HUWE1: variants seen among roughly 807,000 people sequenced by gnomAD.
The protein encoded by HUWE1 is E3 ubiquitin-protein ligase HUWE1.
HUWE1 carries 18 observed loss-of-function variants against 299.4 expected under a neutral mutation model. The ratio of observed to expected loss-of-function variants is 0.06; its 90% CI spans 0.04 to 0.09. The LOEUF (loss-of-function observed/expected upper bound fraction) is 0.09, where lower values mean the gene tolerates loss of function less well. Among genes scored for constraint, HUWE1 ranks in the 10% least tolerant of loss-of-function variants. HUWE1 has a pLI of 1.00. For missense variants in HUWE1, 1,832 were observed against 3,462.3 expected, an observed-to-expected ratio of 0.53 and a Z score of 11.82; for synonymous variants, 1,317 against 1,286.1, an observed-to-expected ratio of 1.02 and a Z score of -0.51.
intron 28 of HUWE1, 78 bp downstream of exon 28, chrX:53,602,486 A>C: frequency 3.3e-6 from 2 of 614,232 alleles, no homozygotes; most frequent in East Asian, 7.1e-5. Flanking sequence ...ACTAACTAAA[A>C]ATTTTCATAA....
chrX:53,633,104 G>A (rs912961138), intron 8 of HUWE1, among the ~76,000 whole-genome samples: 12 of 112,410 alleles, frequency 1.1e-4, no homozygotes, highest in African/African-American at 3.9e-4. Flanking sequence ...CTCATGGTAT[G>A]TTTTCTGCAC....
chrX:53,540,392 G>C (rs782032009), intron 74 of HUWE1, among the ~76,000 whole-genome samples: 1 of 109,052 alleles, frequency 9.2e-6, no homozygotes, highest in Admixed American at 9.7e-5. Context: ...GCAGTGGTGC[G>C]ACCTTGGCTC....
At chrX:53,574,832 C>T (rs949952571) in intron 46 of HUWE1, among the ~76,000 whole-genome samples, 6 of 111,948 alleles carry the variant, frequency 5.4e-5, no homozygotes, top group Admixed American at 9.4e-5. Context: ...AAGCATGTAG[C>T]TAGAACAATA....
chrX:53,645,736 A>AATATATATATAT (rs1175668846), intron 6 of HUWE1, among the ~76,000 whole-genome samples: 2 of 26,130 alleles, frequency 7.7e-5, no homozygotes, highest in African/African-American at 3.0e-4. Flanking sequence ...AAAAAAAAAA[A>AATATATATATAT]ATATATATAT....
intron 3 of HUWE1, among the ~76,000 whole-genome samples, chrX:53,659,387 T>C (rs2068891348): frequency 8.9e-6 from 1 of 111,908 alleles, no homozygotes; most frequent in South Asian, 3.7e-4. Flanking sequence ...TATCAAGCCA[T>C]GAACAAACAT....
intron 77 of HUWE1, among the ~76,000 whole-genome samples, chrX:53,537,961 T>C (rs1028416328): frequency 1.1e-4 from 12 of 111,646 alleles, no homozygotes; most frequent in Admixed American, 2.9e-4. Context: ...CATGTATACA[T>C]GCACGAGGAG....
chrX:53,591,196 T>C lies in HUWE1; in HGVS notation c.3973-74A>G. On this transcript the variant is annotated intron_variant, in intron 33 of 83. Transcript: ENST00000262854. Reference sequence around the variant, plus strand: ...ACATTTTTAAAAGGAAGGAACCTTTTCAAGATGGAAATAACTTTTTCTAAC... The same window carrying C: ...ACATTTTTAAAAGGAAGGAACCTTTCCAAGATGGAAATAACTTTTTCTAAC... 4.5e-6 allele frequency: 5 copies of C among 1,119,566 alleles called. No individual in the cohort carries two copies. In the South Asian group the frequency reaches 7.6e-5, roughly 17 times the overall value. 92.3% of individuals were successfully genotyped at this position (1,119,566 alleles called of 1,213,427 possible).
intron 3 of HUWE1, among the ~76,000 whole-genome samples, chrX:53,662,185 A>C (rs781785927): frequency 1.8e-5 from 2 of 110,849 alleles, no homozygotes; most frequent in East Asian, 5.6e-4. Flanking sequence ...CCCGCATTTT[A>C]ACAAGATCCT....
chrX:53,598,630 T>C (rs782745351), intron 29 of HUWE1, among the ~76,000 whole-genome samples: 2 of 112,293 alleles, frequency 1.8e-5, no homozygotes, highest in East Asian at 5.6e-4. Context: ...ATAATACATA[T>C]ACAAAACGTG....
intron 19 of HUWE1, among the ~76,000 whole-genome samples, chrX:53,620,101 C>T (rs1338204483): frequency 1.8e-5 from 2 of 111,454 alleles, no homozygotes; most frequent in African/African-American, 6.5e-5. Flanking sequence ...ATCCTTCCTG[C>T]CCAACTACTG....
chrX:53,674,583 T>C (rs1273031447), intron 3 of HUWE1, among the ~76,000 whole-genome samples: 2 of 112,392 alleles, frequency 1.8e-5, no homozygotes, highest in African/African-American at 6.5e-5. Context: ...CTTATTTGTA[T>C]AGCATTTTTG....
At position 53,594,565 on chromosome X, in the gene HUWE1, C is replaced by T; in HGVS notation, c.3437G>A (p.Arg1146Lys). Residue 1146 changes from arginine to lysine, a missense_variant, in exon 31 of 84, where the codon AGG becomes AAG. Arg to Lys is a conservative substitution (Grantham distance 26). Around this residue, in one of 15 missense-constraint regions of HUWE1, gnomAD observed 658 missense variants for 1,282.6 expected, o/e 0.51. Coordinates refer to ENST00000262854, the MANE Select transcript of HUWE1 (RefSeq NM_031407.7). ...GFTSPMLFDE[R>K]KYPYHLMLQK... Reference sequence around the variant, plus strand: ...CAGCATGAGGTGGTAGGGATACTTCCTCTCATCAAACAGCATTGGGGATGT... The same window carrying T: ...CAGCATGAGGTGGTAGGGATACTTCTTCTCATCAAACAGCATTGGGGATGT... 8.3e-7 allele frequency: 1 copy of T among 1,208,961 alleles called. No individual in the cohort carries two copies.
At chrX:53,591,262 G>A in intron 33 of HUWE1, 140 bp from the exon 34 acceptor site, 1 of 658,990 alleles carries the variant, frequency 1.5e-6, no homozygotes, top group Non-Finnish European at 2.3e-6. Context: ...GGGCAATTAG[G>A]TAAAATGAAC....
Position 53,634,303 on chromosome X carries a change from A to G in HUWE1, c.505-5T>C, listed in dbSNP as rs1462806281. On this transcript the variant is annotated splice_region_variant and splice_polypyrimidine_tract_variant and intron_variant, in intron 7 of 83. Transcript: ENST00000262854. ...ATTCTCCTTTCCACCCCAGCTCTTG[A>G]AAAAGGAAAAAGATAGTGTTAAGAC... 1 of 1,193,280 alleles carries G rather than the reference A, an allele frequency of 8.4e-7. No homozygotes were observed. Among genetic ancestry groups the G allele is most frequent in the African/African-American group, 1.7e-5 (1 of 57,426 alleles).
intron 2 of HUWE1, among the ~76,000 whole-genome samples, chrX:53,685,187 C>G (rs1206522273): frequency 8.9e-6 from 1 of 112,149 alleles, no homozygotes; most frequent in Non-Finnish European, 1.9e-5. Context: ...CCTATCTTTA[C>G]TTACGTTTTA....
At chrX:53,667,400 C>A (rs1291424100) in intron 3 of HUWE1, among the ~76,000 whole-genome samples, 3 of 111,995 alleles carry the variant, frequency 2.7e-5, no homozygotes, top group African/African-American at 9.7e-5. Flanking sequence ...ACTTACTGTA[C>A]CCAACCGACC....
At chrX:53,548,935 A>G (rs782664861) in intron 67 of HUWE1, 24 bp downstream of exon 67, 1 of 1,166,468 alleles carries the variant, frequency 8.6e-7, no homozygotes. Flanking sequence ...TTCCATCCCC[A>G]GGAGTTGGGT....
chrX:53,627,293 G>GAA (rs1337690552), intron 17 of HUWE1, 117 bp downstream of exon 17: 3 of 455,114 alleles, frequency 6.6e-6, no homozygotes, highest in Non-Finnish European at 1.1e-5. Flanking sequence ...TTTTGTTGCT[G>GAA]AAAGTATATA....
intron 11 of HUWE1, 127 bp from the exon 12 acceptor site, chrX:53,631,161 C>T: frequency 1.9e-6 from 1 of 521,831 alleles, no homozygotes; most frequent in Non-Finnish European, 3.4e-6. Flanking sequence ...GTTCAGAAAG[C>T]TACCACCACT....
Sources: allele counts gnomAD v4.1 joint callset (sites outside exome capture counted in the v4.1 genomes callset), GRCh38; gene constraint gnomAD v4.1.1; regional missense constraint gnomAD v4.1.1; transcripts MANE v1.5; gene names NCBI Gene and HGNC (gene_info 2026-07-23, HGNC 2026-07-21).